Variants in DIS3 observed in about 807,000 individuals in gnomAD.
DIS3 encodes the protein exosome complex exonuclease RRP44.
Under a neutral mutation model 113.0 loss-of-function variants are expected in DIS3, and 103 were observed. The ratio of observed to expected loss-of-function variants is 0.91; its 90% CI spans 0.78 to 1.07. The LOEUF is 1.07. Ranked by LOEUF, DIS3 falls within the 50% of genes least tolerant of loss-of-function variation. DIS3 has a pLI of 0.00. For missense variants in DIS3, 1,121 were observed against 1,167.1 expected (o/e 0.96, Z 0.58); for synonymous variants, 402 against 394.3 (o/e 1.02, Z -0.23).
Position 72,777,983 on chromosome 13 carries a change from T to C in DIS3, c.580+204A>G, listed in dbSNP as rs190609691. Among the ~76,000 whole-genome samples, 225 of 152,232 alleles carry C rather than the reference T, an allele frequency of 1.5e-3. 1 individual carries two copies. Among genetic ancestry groups the C allele is most frequent in the Middle Eastern group, 6.8e-3 (2 of 294 alleles). Reference sequence around the variant, plus strand: ...ATTTCATTGCTAAACCAGTTGCAAATAGTGAGGGGAAAATTAACAGCCACT... The same window carrying C: ...ATTTCATTGCTAAACCAGTTGCAAACAGTGAGGGGAAAATTAACAGCCACT... On this transcript the variant is annotated intron_variant, in intron 3 of 20. Transcript: ENST00000377767.
Position 72,772,817 on chromosome 13 carries a change from C to T in DIS3, c.1262G>A (p.Gly421Asp). The T allele has an allele frequency of 6.2e-7, 1 of 1,604,034 alleles. No individual in the cohort carries two copies. Among genetic ancestry groups the T allele is most frequent in the Non-Finnish European group, 8.5e-7 (1 of 1,176,950 alleles). The change falls in exon 9 of 21, where the codon GGT (glycine) becomes GAT (aspartate). Residue 421 changes from glycine (G) to aspartate (D), a missense_variant. By Grantham distance (94) the Gly-to-Asp change is moderately conservative (BLOSUM62 -1). Transcript: ENST00000377767. ...TTCAGTCTCTTTCTCTCCAACATCA[C>T]CTAAATTTCTCACAAAGTGTCCCTG... is the stretch of plus-strand genomic sequence containing the variant. ...YPNGHFVRNL[G>D]DVGEKETETE... is the part of the protein sequence containing the mutation.
Position 72,778,368 on chromosome 13 carries a change from T to C in DIS3, c.399A>G (p.Val133=). 2 of 1,554,090 alleles carry C rather than the reference T, an allele frequency of 1.3e-6. No individual in the cohort carries two copies. The highest frequency in any genetic ancestry group is 1.8e-6 in the Non-Finnish European group (2 of 1,137,804). The change falls in exon 3 of 21, where the codon GTA becomes GTG. Residue 133 remains valine, a synonymous_variant. Transcript: ENST00000377767. Reference sequence around the variant, plus strand: ...TAGCATTTTCTCCCTGTTCTTGTTCTACATAGGTTTCTCTAAATGGAAAGA... The same window carrying C: ...TAGCATTTTCTCCCTGTTCTTGTTCCACATAGGTTTCTCTAAATGGAAAGA... ...FTNEHHRETY[V]EQEQGENAND...
Position 72,756,062 on chromosome 13 carries a change from A to ACTT in DIS3, c.*3730_*3732dup. On this transcript the variant is annotated 3_prime_UTR_variant, in exon 21 of 21. Transcript: ENST00000377767. The stretch of plus-strand genomic sequence containing the variant: ...TTATATACAACTATTTTTTTAAAAA[A>ACTT]CTTATATCCATGTTGGGAGTAGATG... 2.5e-6 allele frequency: 1 copy of ACTT among 395,738 alleles called. No homozygotes were observed. The highest frequency in any genetic ancestry group is 3.6e-5 in the East Asian group (1 of 27,980). 24.5% of individuals were successfully genotyped at this position (395,738 alleles called of 1,614,324 possible). A position where few individuals can be genotyped will look rare whatever the true frequency, so the allele number is the denominator to read the frequency against.
In DIS3 at chr13:72,768,837, G is replaced by A. The variant is rs757306363; in HGVS notation, c.1831C>T (p.Arg611Cys). 72 of 1,608,116 alleles carry A rather than the reference G, an allele frequency of 4.5e-5. No homozygotes were observed. Among genetic ancestry groups the A allele is most frequent in the Admixed American group, 1.3e-4 (8 of 59,844 alleles). ...ATTTTGGCTAGTTTATTCAGTCCAC[G>A]GAGACTAGTGGTAATATCATCATTC... ...NMNDDITTSLRGLNKLAKILK... is the reference protein window; with the variant it reads ...NMNDDITTSLCGLNKLAKILK... Residue 611 changes from arginine (R) to cysteine (C), a missense_variant, in exon 14 of 21, where the codon CGT becomes TGT. Arg to Cys is a radical substitution (Grantham distance 180, BLOSUM62 -3). This residue lies in a region of DIS3 where 861 missense variants were observed against 915.5 expected (regional missense o/e 0.94). Coordinates refer to ENST00000377767, the MANE Select transcript of DIS3 (RefSeq NM_014953.5).
In DIS3 at chr13:72,754,951, C is replaced by T. The variant is rs897435147; in HGVS notation, c.*4844G>A. 1.8e-5 allele frequency: 9 copies of T among 500,062 alleles called. No individual in the cohort carries two copies. The highest frequency in any genetic ancestry group is 5.9e-5 in the African/African-American group (3 of 50,778). The allele number at this position is 500,062 out of a possible 1,614,324, so 31.0% of individuals were successfully genotyped here. A position where few individuals can be genotyped will look rare whatever the true frequency, so the allele number is the denominator to read the frequency against. ...CTAGTCCCAAACTCCTGGGCTCGTG[C>T]GATCCTCCCACCTTGGCCTCTCAAA... is the stretch of plus-strand genomic sequence containing the variant. On this transcript the variant is annotated 3_prime_UTR_variant, in exon 21 of 21. Coordinates refer to ENST00000377767, the MANE Select transcript of DIS3 (RefSeq NM_014953.5).
rs141831118 is a variant in DIS3 at position 72,758,509 on chromosome 13, C to A, written c.*1286G>T. 4.0e-3 allele frequency: 838 copies of A among 211,462 alleles called. 8 individuals are homozygous for A. The highest frequency in any genetic ancestry group is 0.017 in the African/African-American group (746 of 44,256). The allele number at this position is 211,462 out of a possible 1,614,324, so 13.1% of individuals were successfully genotyped here. ...CAATACAGACCATAGCCAACAAAGT[C>A]TAAAATGTTCTAGCACTTCACAGAA... On this transcript the variant is annotated 3_prime_UTR_variant, in exon 21 of 21. Coordinates refer to ENST00000377767, the MANE Select transcript of DIS3 (RefSeq NM_014953.5).
Position 72,767,143 on chromosome 13 carries a change from G to A in DIS3, c.1884-1085C>T, listed in dbSNP as rs2033768644. Among the ~76,000 whole-genome samples the A allele has an allele frequency of 3.3e-5, 5 of 152,044 alleles. No individual in the cohort carries two copies. In the South Asian group the frequency reaches 1.0e-3, roughly 32 times the overall value. On this transcript the variant is annotated intron_variant, in intron 14 of 20. Transcript: ENST00000377767. ...TCTACCCATGAGTATTAATACTTTAGAAGGCAAAAGACGGTTTTTTTTTCT... is the reference window on the plus strand; with the variant it reads ...TCTACCCATGAGTATTAATACTTTAAAAGGCAAAAGACGGTTTTTTTTTCT...
Position 72,763,443 on chromosome 13 carries a change from G to A in DIS3, c.2127+8C>T, listed in dbSNP as rs761804200. The stretch of plus-strand genomic sequence containing the variant: ...AAATAGATGATTTTTCAAACTGTAG[G>A]ACCTTACCCTTGACCTGGCTGCCTT... On this transcript the variant is annotated splice_region_variant and intron_variant, in intron 16 of 20. Coordinates refer to ENST00000377767, the MANE Select transcript of DIS3 (RefSeq NM_014953.5). 6.2e-7 allele frequency: 1 copy of A among 1,608,090 alleles called. No homozygotes were observed. The highest frequency in any genetic ancestry group is 1.3e-5 in the African/African-American group (1 of 74,556).
chr13:72,760,923 T>G (rs17089741), intron 19 of DIS3, among the ~76,000 whole-genome samples: 12,326 of 152,050 alleles, frequency 0.081, 1,340 homozygotes, highest in African/African-American at 0.25. Context: ...AATAGGAAAT[T>G]TTTAGTCTAG....
At chr13:72,772,496 T>C (rs1765613519) in intron 9 of DIS3, among the ~76,000 whole-genome samples, 197 bp downstream of exon 9, 1 of 152,178 alleles carries the variant, frequency 6.6e-6, no homozygotes, top group African/African-American at 2.4e-5. Flanking sequence ...TATGAAAGTG[T>C]CTGCCACATA....
In DIS3 at chr13:72,761,627, A is replaced by G. The variant is rs199831108; in HGVS notation, c.2511+19T>C. On this transcript the variant is annotated intron_variant, in intron 18 of 20. Coordinates refer to ENST00000377767, the MANE Select transcript of DIS3 (RefSeq NM_014953.5). The stretch of plus-strand genomic sequence containing the variant: ...ACAAAACTTCATTTTTTCTAGCAGT[A>G]TCGACAAAAGGCAAATACCTGGGTA... The G allele has an allele frequency of 2.0e-4, 307 of 1,566,384 alleles. 1 individual carries two copies. Among genetic ancestry groups the G allele is most frequent in the South Asian group, 2.7e-4 (22 of 81,348 alleles).
intron 2 of DIS3, 32 bp from the exon 3 acceptor site, chr13:72,778,412 A>G: frequency 2.0e-6 from 3 of 1,516,946 alleles, no homozygotes; most frequent in Non-Finnish European, 2.7e-6. Context: ...AATAAAAGGA[A>G]ATCAGTAGAA....
intron 19 of DIS3, among the ~76,000 whole-genome samples, 155 bp from the exon 20 acceptor site, chr13:72,760,806 C>A (rs1453531442): frequency 6.6e-6 from 1 of 152,104 alleles, no homozygotes; most frequent in Non-Finnish European, 1.5e-5. Flanking sequence ...ACCTAGTAGT[C>A]TCATATAAAT....
chr13:72,775,961 T>C lies in DIS3; in HGVS notation c.786A>G (p.Thr262=), dbSNP rs548520533. The change falls in exon 5 of 21, where the codon ACA becomes ACG. Residue 262 remains threonine, a synonymous_variant. Coordinates refer to ENST00000377767, the MANE Select transcript of DIS3 (RefSeq NM_014953.5). The part of the protein sequence containing the change: ...RASRENYLEA[T]VWIHGDNEEN... ...CTTCATTGTCGCCATGAATCCATAC[T>C]GTAGCTTCCAAGTAATTTTCCCTGC... 2 of 1,611,512 alleles carry C rather than the reference T, an allele frequency of 1.2e-6. No homozygotes were observed. Among genetic ancestry groups the C allele is most frequent in the South Asian group, 1.1e-5 (1 of 90,208 alleles).
chr13:72,761,226 T>G, intron 19 of DIS3, 137 bp downstream of exon 19: 1 of 1,135,070 alleles, frequency 8.8e-7, no homozygotes, highest in Non-Finnish European at 1.2e-6. Flanking sequence ...AAATGTAGAT[T>G]TTCTGGCATG....
chr13:72,759,753 T>C lies in DIS3; in HGVS notation c.*42A>G. ...GAAGTGTTCTTTCAAGTTTTTTCTT[T>C]TAAAAAAGAAACCAGTCTTTGAAGA... On this transcript the variant is annotated 3_prime_UTR_variant, in exon 21 of 21. Transcript: ENST00000377767. 1 of 1,546,074 alleles carries C rather than the reference T, an allele frequency of 6.5e-7. No individual in the cohort carries two copies.
Position 72,762,006 on chromosome 13 carries a change from G to A in DIS3, c.2259C>T (p.Tyr753=). ...LATRCMMQAV[Y]FCSGMDNDFH... ...AATCATTATCCATTCCAGAACAGAA[G>A]TACACAGCTTGCATCATACAGCGAG... Residue 753 remains tyrosine (Y), a synonymous_variant, in exon 17 of 21, where the codon TAC becomes TAT. Coordinates refer to ENST00000377767, the MANE Select transcript of DIS3 (RefSeq NM_014953.5). The A allele has an allele frequency of 1.2e-6, 2 of 1,614,138 alleles. No individual in the cohort carries two copies.
chr13:72,769,496 C>CT (rs199556690), intron 13 of DIS3, among the ~76,000 whole-genome samples: 2,020 of 141,540 alleles, frequency 0.014, 23 homozygotes, highest in South Asian at 0.048. Flanking sequence ...ATTTTTTTTC[C>CT]TTTTTTTTTT....
In DIS3 at chr13:72,763,539, T is replaced by C; in HGVS notation, c.2039A>G (p.Glu680Gly). The change falls in exon 16 of 21, where the codon GAG becomes GGG. Residue 680 changes from glutamate (E) to glycine (G), a missense_variant. By Grantham distance (98) the Glu-to-Gly change is moderately conservative (BLOSUM62 -2). This residue lies in a region of DIS3 where 861 missense variants were observed against 915.5 expected (regional missense o/e 0.94). Coordinates refer to ENST00000377767, the MANE Select transcript of DIS3 (RefSeq NM_014953.5). ...AAGCAGAGCATGTTCAGAAAATTCCTCATGAATTTTTTTTGCAACAGAAAT... is the reference window on the plus strand; with the variant it reads ...AAGCAGAGCATGTTCAGAAAATTCCCCATGAATTTTTTTTGCAACAGAAAT... Reference protein sequence around the residue: ...ANISVAKKIHEEFSEHALLRK... With the variant: ...ANISVAKKIHGEFSEHALLRK... 1 of 1,613,860 alleles carries C rather than the reference T, an allele frequency of 6.2e-7. No individual in the cohort carries two copies. Among genetic ancestry groups the C allele is most frequent in the Non-Finnish European group, 8.5e-7 (1 of 1,179,952 alleles).
Sources: allele counts gnomAD v4.1 joint callset (sites outside exome capture counted in the v4.1 genomes callset), GRCh38; gene constraint gnomAD v4.1.1; regional missense constraint gnomAD v4.1.1; transcripts MANE v1.5; gene names NCBI Gene and HGNC (gene_info 2026-07-23, HGNC 2026-07-21).